The following NPIPB13 variants were observed in gnomAD, a reference collection of about 807,000 sequenced individuals.
NPIPB13 encodes nuclear pore complex-interacting protein family member B13.
intron 3 of NPIPB13, among the ~76,000 whole-genome samples, chr16:30,232,398 A>T (rs1453921073): frequency 1.6e-4 from 22 of 139,108 alleles, no homozygotes; most frequent in African/African-American, 5.6e-4. Flanking sequence ...CAGCAGGAAA[A>T]GCTTGTGGTG....
intron 3 of NPIPB13, among the ~76,000 whole-genome samples, chr16:30,232,166 C>A (rs1671749345): frequency 3.1e-5 from 2 of 65,448 alleles, no homozygotes; most frequent in African/African-American, 8.6e-5. Flanking sequence ...CACACACACA[C>A]ACACAAGAAT....
intron 2 of NPIPB13, among the ~76,000 whole-genome samples, chr16:30,244,483 ATGTGTGTG>A (rs71259255): frequency 0.036 from 3,136 of 87,850 alleles, 16 homozygotes; most frequent in East Asian, 0.094. Flanking sequence ...CAAAAAATAT[ATGTGTGTG>A]TGTGTGTGTG....
At chr16:30,244,483 A>ATGTGTGTG (rs71259255) in intron 2 of NPIPB13, among the ~76,000 whole-genome samples, 21 of 89,406 alleles carry the variant, frequency 2.3e-4, no homozygotes, top group African/African-American at 7.1e-4. Context: ...CAAAAAATAT[A>ATGTGTGTG]TGTGTGTGTG....
upstream of NPIPB13, among the ~76,000 whole-genome samples, chr16:30,247,246 CTG>C (rs2073617296): frequency 7.8e-6 from 1 of 127,812 alleles, no homozygotes; most frequent in Non-Finnish European, 1.6e-5. Context: ...TAAGCTGTCA[CTG>C]CATGTTAGTC....
chr16:30,244,477 AAATATATG>A (rs2073601535), intron 2 of NPIPB13, among the ~76,000 whole-genome samples: 8 of 64,276 alleles, frequency 1.2e-4, no homozygotes, highest in Admixed American at 2.0e-4. Context: ...CTGTCTCAAA[AAATATATG>A]TGTGTGTGTG....
intron 3 of NPIPB13, among the ~76,000 whole-genome samples, chr16:30,232,853 T>C: frequency 3.3e-5 from 1 of 30,036 alleles, no homozygotes; most frequent in Non-Finnish European, 9.6e-5. Context: ...TATCATCTTA[T>C]AAGTATTTTA....
chr16:30,230,504 A>ACCAGCTTGG (rs901638874), intron 5 of NPIPB13, among the ~76,000 whole-genome samples: 3 of 39,674 alleles, frequency 7.6e-5, no homozygotes, highest in African/African-American at 1.6e-4. Context: ...GGAGTTCTAG[A>ACCAGCTTGG]CCAGCTTGGC....
At chr16:30,229,335 TA>T (rs1361787716) in intron 5 of NPIPB13, among the ~76,000 whole-genome samples, 2 of 28,992 alleles carry the variant, frequency 6.9e-5, no homozygotes, top group African/African-American at 2.4e-4. Context: ...CTTGGTTTTA[TA>T]GGAAGGATGT....
At chr16:30,238,038 C>T (rs1174994568) in intron 2 of NPIPB13, among the ~76,000 whole-genome samples, 4 of 98,094 alleles carry the variant, frequency 4.1e-5, no homozygotes, top group Admixed American at 1.7e-4. Context: ...TTTGGGAGGC[C>T]GAGGCGGGCG....
intron 2 of NPIPB13, among the ~76,000 whole-genome samples, chr16:30,244,352 GT>G (rs2073600444): frequency 1.1e-5 from 1 of 91,814 alleles, no homozygotes; most frequent in African/African-American, 4.1e-5. Context: ...GCACACACCT[GT>G]AGTCCCAGCT....
At chr16:30,226,770 CG>C (rs2073531482) in intron 7 of NPIPB13, 6 of 233,094 alleles carry the variant, frequency 2.6e-5, no homozygotes, top group Non-Finnish European at 3.9e-5. Flanking sequence ...AGTCCCATCA[CG>C]TGTAATCATA....
chr16:30,232,372 G>C (rs2073557676), intron 3 of NPIPB13, among the ~76,000 whole-genome samples: 1 of 123,410 alleles, frequency 8.1e-6, no homozygotes, highest in Admixed American at 8.4e-5. Context: ...GCTGAGGCAG[G>C]AGAATCACTT....
chr16:30,245,034 G>GTTTA (rs2073606533), intron 2 of NPIPB13, among the ~76,000 whole-genome samples: 1 of 145,742 alleles, frequency 6.9e-6, no homozygotes, highest in African/African-American at 2.5e-5. Context: ...TTTTTAGTAG[G>GTTTA]GACGAGGTTT....
At chr16:30,246,134 C>CT (rs2073612039), upstream of NPIPB13, among the ~76,000 whole-genome samples, 2 of 71,684 alleles carry the variant, frequency 2.8e-5, no homozygotes, top group African/African-American at 1.1e-4. Context: ...GCCTCCACCA[C>CT]TTATCAGCTG....
intron 5 of NPIPB13, among the ~76,000 whole-genome samples, chr16:30,229,348 TA>T: frequency 4.4e-5 from 1 of 22,624 alleles, no homozygotes; most frequent in Admixed American, 4.4e-4. Flanking sequence ...GAAGGATGTG[TA>T]AAATTCCCAG....
At chr16:30,232,538 C>G (rs1479635266) in intron 3 of NPIPB13, among the ~76,000 whole-genome samples, 1 of 109,782 alleles carries the variant, frequency 9.1e-6, no homozygotes, top group Non-Finnish European at 2.1e-5. Flanking sequence ...GAGGCCGAGG[C>G]AGGTGAATCA....
At chr16:30,238,300 AAAT>A in intron 2 of NPIPB13, among the ~76,000 whole-genome samples, 11 of 111,738 alleles carry the variant, frequency 9.8e-5, no homozygotes, top group African/African-American at 3.9e-4. Flanking sequence ...ATAAATAAAT[AAAT>A]AAAATAATGT....
chr16:30,228,749 TAA>T (rs2073534100), intron 5 of NPIPB13, among the ~76,000 whole-genome samples: 1 of 129,064 alleles, frequency 7.7e-6, no homozygotes, highest in Non-Finnish European at 1.7e-5. Flanking sequence ...TTAGTAAATA[TAA>T]AGACTATTAA....
chr16:30,232,764 CA>C (rs1360085862), intron 3 of NPIPB13, among the ~76,000 whole-genome samples: 1,924 of 13,816 alleles, frequency 0.14, 87 homozygotes, highest in South Asian at 0.42. Context: ...GAATCCGTCT[CA>C]AAAAAAAAAA....
Sources: allele counts gnomAD v4.1 joint callset (sites outside exome capture counted in the v4.1 genomes callset), GRCh38; gene constraint gnomAD v4.1.1; transcripts MANE v1.5; gene names NCBI Gene and HGNC (gene_info 2026-07-23, HGNC 2026-07-21).